PCF11: variants seen among roughly 807,000 people sequenced by gnomAD.
The protein encoded by PCF11 is pre-mRNA cleavage complex 2 protein Pcf11.
Under a neutral mutation model 166.1 loss-of-function variants are expected in PCF11, and 19 were observed. That is an observed-to-expected ratio of 0.11 (90% CI 0.08 to 0.17). The LOEUF is 0.17. Among genes scored for constraint, PCF11 ranks in the 10% least tolerant of loss-of-function variants. PCF11 has a pLI of 1.00. For missense variants in PCF11, 1,565 were observed against 1,855.5 expected, an observed-to-expected ratio of 0.84 and a Z score of 2.88; for synonymous variants, 663 against 644.1, an observed-to-expected ratio of 1.03 and a Z score of -0.44.
chr11:83,184,914 T>C, exon 16 of PCF11: 1 of 1,485,758 alleles, frequency 6.7e-7, no homozygotes, highest in Non-Finnish European at 9.0e-7. Context: ...GAAAGGTATG[T>C]TTTTCTTTTT....
chr11:83,184,735 G>A, exon 16 of PCF11: 2 of 1,611,676 alleles, frequency 1.2e-6, no homozygotes, highest in Non-Finnish European at 8.5e-7. Flanking sequence ...AAAACCCCTT[G>A]AATATTATGT....
chr11:83,177,269 ATATAATGATAT>A, intron 10 of PCF11, 65 bp downstream of exon 10: 6 of 1,195,762 alleles, frequency 5.0e-6, no homozygotes, highest in Non-Finnish European at 5.7e-6. Flanking sequence ...GTATGATGTA[ATATAATGATAT>A]AAGTTATGAT....
chr11:83,166,204 A>G (rs757162775), exon 5 of PCF11: 1 of 1,612,712 alleles, frequency 6.2e-7, no homozygotes, highest in Admixed American at 1.7e-5. Context: ...GAGCACATGA[A>G]GTCATCCGAA....
chr11:83,166,072 T>C, exon 5 of PCF11: 1 of 1,609,764 alleles, frequency 6.2e-7, no homozygotes, highest in South Asian at 1.1e-5. Context: ...TCGGAAAGTA[T>C]GAGGTTGTCT....
chr11:83,161,507 T>G (rs2135416644), intron 2 of PCF11, 55 bp downstream of exon 2: 2 of 1,332,162 alleles, frequency 1.5e-6, no homozygotes, highest in Non-Finnish European at 2.0e-6. Context: ...TGTTCCTGAT[T>G]AAATAAATAT....
intron 1 of PCF11, 33 bp from the exon 2 acceptor site, chr11:83,161,294 T>G (rs766911972): frequency 1.3e-6 from 2 of 1,549,916 alleles, no homozygotes; most frequent in Non-Finnish European, 1.7e-6. Flanking sequence ...TGGTAATTCA[T>G]TATACTAAAC....
At position 83,175,387 on chromosome 11, in the gene PCF11, C is replaced by T. The variant is rs190428728; in HGVS notation, c.3758-1698C>T. Among the ~76,000 whole-genome samples, 237 of 152,280 alleles carry T rather than the reference C, an allele frequency of 1.6e-3. 1 individual carries two copies. Among genetic ancestry groups the T allele is most frequent in the African/African-American group, 5.5e-3 (230 of 41,562 alleles). On this transcript the variant is annotated intron_variant, in intron 9 of 15. Coordinates refer to ENST00000298281, the Ensembl canonical transcript of PCF11. ...ACCTCAGGTGATCCACCTGCATCAC[C>T]CTCCCAAAGTGCTGGGATTACAGGT...
Position 83,164,191 on chromosome 11 carries a change from TTG to T in PCF11, c.508-14_508-13del. 6.3e-7 allele frequency: 1 copy of T among 1,575,002 alleles called. No homozygotes were observed. The highest frequency in any genetic ancestry group is 8.6e-7 in the Non-Finnish European group (1 of 1,162,970). On this transcript the variant is annotated splice_polypyrimidine_tract_variant and intron_variant, in intron 3 of 15. Transcript: ENST00000298281. ...AGCTGATACGTTTTTCTTAAACAAA[TTG>T]TCTTTTCTTATAGCCCGAGGAGCCT... is the stretch of plus-strand genomic sequence containing the variant.
At chr11:83,175,580 G>A (rs889371434) in intron 9 of PCF11, among the ~76,000 whole-genome samples, 16 of 152,060 alleles carry the variant, frequency 1.1e-4, no homozygotes, top group African/African-American at 2.4e-4. Flanking sequence ...GTGAAACCCC[G>A]TCTCTACTAA....
At chr11:83,182,976 A>G (rs1861134595) in intron 14 of PCF11, 62 bp from the exon 15 acceptor site, 1 of 942,522 alleles carries the variant, frequency 1.1e-6, no homozygotes, top group Middle Eastern at 2.1e-4. Flanking sequence ...TTAAAAAGAA[A>G]TATCAGAATA....
chr11:83,164,447 CAAT>C (rs1860373860), intron 4 of PCF11, 46 bp downstream of exon 4: 1 of 1,364,300 alleles, frequency 7.3e-7, no homozygotes, highest in East Asian at 2.4e-5. Flanking sequence ...ACCTGTCTAA[CAAT>C]AGGGAAGTAA....
At position 83,157,646 on chromosome 11, in the gene PCF11, C is replaced by T. The variant is rs753983532; in HGVS notation, c.192+15C>T. Reference sequence around the variant, plus strand: ...AAACCGCCAAGGTTTTTATACACCCCGCAGCCTCCTATTACTTCTAATACT... The same window carrying T: ...AAACCGCCAAGGTTTTTATACACCCTGCAGCCTCCTATTACTTCTAATACT... On this transcript the variant is annotated intron_variant, in intron 1 of 15. Transcript: ENST00000298281. The T allele has an allele frequency of 3.1e-6, 5 of 1,609,894 alleles. No homozygotes were observed. Among genetic ancestry groups the T allele is most frequent in the East Asian group, 4.5e-5 (2 of 44,866 alleles).
exon 8 of PCF11, chr11:83,169,691 A>T: frequency 6.2e-7 from 1 of 1,613,940 alleles, no homozygotes; most frequent in African/African-American, 1.3e-5. Context: ...TTTGACAATC[A>T]TCCTTCACAA....
At chr11:83,171,109 T>C (rs1860673268) in intron 8 of PCF11, 1 of 319,432 alleles carries the variant, frequency 3.1e-6, no homozygotes, top group African/African-American at 2.2e-5. Flanking sequence ...ACCAGCAATA[T>C]GTAGAAGTCC....
In PCF11 at chr11:83,161,309, C is replaced by T. The variant is rs1249162772; in HGVS notation, c.193-18C>T. 3 of 1,576,826 alleles carry T rather than the reference C, an allele frequency of 1.9e-6. No individual in the cohort carries two copies. The highest frequency in any genetic ancestry group is 1.2e-5 in the South Asian group (1 of 84,806). On this transcript the variant is annotated intron_variant, in intron 1 of 15. Transcript: ENST00000298281. Reference sequence around the variant, plus strand: ...TGGTAATTCATTATACTAAACTTCTCAGTTTCTTTTTATTCAGGCTCCTTC... The same window carrying T: ...TGGTAATTCATTATACTAAACTTCTTAGTTTCTTTTTATTCAGGCTCCTTC...
At position 83,167,171 on chromosome 11, in the gene PCF11, A is replaced by T. The variant is rs1174048527; in HGVS notation, c.1864A>T (p.Arg622Trp). Reference sequence around the variant, plus strand: ...TAGTAAACCTCCTCATCTGAGGCATAGGGAGAGCTGGTCAAGCACTAAAGG... The same window carrying T: ...TAGTAAACCTCCTCATCTGAGGCATTGGGAGAGCTGGTCAAGCACTAAAGG... The change falls in exon 6 of 16, where the codon AGG becomes TGG. Residue 622 changes from arginine (R) to tryptophan (W), a missense_variant. Physicochemically the swap from Arg to Trp is moderately radical, Grantham distance 101. Around this residue, in one of 12 missense-constraint regions of PCF11, gnomAD observed 468 missense variants for 483.4 expected, o/e 0.97. Coordinates refer to ENST00000298281, the Ensembl canonical transcript of PCF11. This position sits in a 1 kb window ranked among gnomAD's most constrained non-coding sequence, Gnocchi z 4.2. 6.2e-7 allele frequency: 1 copy of T among 1,613,504 alleles called. No homozygotes were observed. Among genetic ancestry groups the T allele is most frequent in the East Asian group, 2.2e-5 (1 of 44,880 alleles).
At chr11:83,166,376 T>C in exon 5 of PCF11, 3 of 1,613,870 alleles carry the variant, frequency 1.9e-6, no homozygotes, top group East Asian at 2.2e-5. Context: ...CAATTATACA[T>C]TCCCCAAAGA....
chr11:83,161,560 C>A, intron 2 of PCF11, 108 bp downstream of exon 2: 1 of 799,148 alleles, frequency 1.3e-6, no homozygotes, highest in South Asian at 2.1e-5. Flanking sequence ...ATGTTTTATA[C>A]TTTTGGACAT....
intron 12 of PCF11, 140 bp downstream of exon 12, chr11:83,181,331 G>C: frequency 3.8e-6 from 1 of 265,006 alleles, no homozygotes; most frequent in Admixed American, 5.3e-5. Context: ...ATCTAACATT[G>C]AAATTTCCTG....
Sources: gnomAD v4.1 joint callset for allele counts (sites outside exome capture counted in the v4.1 genomes callset) on GRCh38, gnomAD v4.1.1 for gene constraint, gnomAD v4.1.1 regional missense constraint, Gnocchi (gnomAD v3.1) non-coding constraint, MANE v1.5 for transcripts, NCBI Gene and HGNC (gene_info 2026-07-23, HGNC 2026-07-21) for gene names.